The following PDGFD variants were observed in gnomAD, a reference collection of about 807,000 sequenced individuals.
The protein encoded by PDGFD is platelet-derived growth factor D.
A neutral mutation model predicts 44.7 loss-of-function variants in PDGFD; 30 were observed. That is an observed-to-expected ratio of 0.67 (90% CI 0.50 to 0.91). The LOEUF is 0.91. Ranked by LOEUF, PDGFD falls within the 40% of genes least tolerant of loss-of-function variation. The probability of loss-of-function intolerance (pLI) is 0.00; values close to 1 mark genes in which losing one functional copy is unlikely to be tolerated. For synonymous variants in PDGFD, 173 were observed against 168.4 expected (o/e 1.03, Z -0.21); for missense variants, 445 against 457.8 (o/e 0.97, Z 0.25).
At chr11:104,146,866 A>C (rs960495642) in intron 1 of PDGFD, among the ~76,000 whole-genome samples, 2 of 152,122 alleles carry the variant, frequency 1.3e-5, no homozygotes, top group Non-Finnish European at 2.9e-5. Flanking sequence ...TACAGTAGGG[A>C]ATAAAACAGA....
intron 1 of PDGFD, among the ~76,000 whole-genome samples, chr11:104,079,911 A>T (rs1476059126): frequency 6.6e-6 from 1 of 152,218 alleles, no homozygotes; most frequent in Non-Finnish European, 1.5e-5. Context: ...TTCTGAGCAG[A>T]GCAATGAAAC....
chr11:103,996,165 G>A lies in PDGFD; in HGVS notation c.410C>T (p.Pro137Leu), dbSNP rs765307740. The change falls in exon 3 of 7, where the codon CCT becomes CTT. Residue 137 changes from proline (P) to leucine (L), a missense_variant. Pro to Leu is a moderately conservative substitution (Grantham distance 98). Coordinates refer to ENST00000393158, the MANE Select transcript of PDGFD (RefSeq NM_025208.5). The part of the protein sequence containing the change: ...RGRWCGHKEV[P>L]PRIKSRTNQI... ...GTTCGTTCTTGATTTTATCCTTGGAGGAACTTCCTTGTGTCCACACCATCG... is the reference window on the plus strand; with the variant it reads ...GTTCGTTCTTGATTTTATCCTTGGAAGAACTTCCTTGTGTCCACACCATCG... 1 of 1,613,562 alleles carries A rather than the reference G, an allele frequency of 6.2e-7. No homozygotes were observed. The highest frequency in any genetic ancestry group is 1.1e-5 in the South Asian group (1 of 91,040).
chr11:104,032,604 C>T (rs1179072864), intron 1 of PDGFD, among the ~76,000 whole-genome samples: 10 of 150,464 alleles, frequency 6.6e-5, no homozygotes, highest in African/African-American at 2.4e-4. Flanking sequence ...GTAGTTTAAA[C>T]ATCAACTGAC....
chr11:104,092,939 G>A (rs535377903), intron 1 of PDGFD, among the ~76,000 whole-genome samples: 81 of 152,214 alleles, frequency 5.3e-4, no homozygotes, highest in Admixed American at 3.7e-3. Context: ...ATGCCAGGTC[G>A]AAGATTTTCC....
chr11:104,133,304 C>A (rs1861951403), intron 1 of PDGFD, among the ~76,000 whole-genome samples: 1 of 152,100 alleles, frequency 6.6e-6, no homozygotes, highest in South Asian at 2.1e-4. Flanking sequence ...AAATTAGGAA[C>A]AATTTTCATC....
chr11:103,940,424 C>T (rs1463755565), intron 5 of PDGFD, among the ~76,000 whole-genome samples: 1 of 152,074 alleles, frequency 6.6e-6, no homozygotes, highest in African/African-American at 2.4e-5. Flanking sequence ...AAATGATGAG[C>T]TTGCTTCTGC....
At chr11:104,118,818 TATATTATAA>T (rs1565340162) in intron 1 of PDGFD, among the ~76,000 whole-genome samples, 23 of 43,424 alleles carry the variant, frequency 5.3e-4, no homozygotes, top group Non-Finnish European at 7.9e-4. Context: ...TAATATATTA[TATATTATAA>T]ATATTAATAT....
In PDGFD at chr11:103,967,100, A is replaced by C. The variant is rs562426596; in HGVS notation, c.511-19376T>G. 3.3e-5 allele frequency among the ~76,000 whole-genome samples: 5 copies of C among 152,360 alleles called. No individual in the cohort carries two copies. The South Asian group carries it at 1.0e-3, about 32-fold the overall frequency. The stretch of plus-strand genomic sequence containing the variant: ...ATGAAAGGGATGCCACTCAGAGGCA[A>C]TCAACATTATTGGTTCCTTACATGT... On this transcript the variant is annotated intron_variant, in intron 3 of 6. Coordinates refer to ENST00000393158, the MANE Select transcript of PDGFD (RefSeq NM_025208.5).
intron 1 of PDGFD, among the ~76,000 whole-genome samples, chr11:104,063,638 G>A (rs535069139): frequency 6.6e-6 from 1 of 152,258 alleles, no homozygotes; most frequent in South Asian, 2.1e-4. Flanking sequence ...TGGCTGGGGA[G>A]GCCTCAGGAA....
At chr11:103,942,437 A>G (rs1406676569) in intron 5 of PDGFD, among the ~76,000 whole-genome samples, 3 of 152,032 alleles carry the variant, frequency 2.0e-5, no homozygotes, top group African/African-American at 4.8e-5. Context: ...TAAGACCTGG[A>G]TATTTATTTT....
chr11:103,954,092 A>G (rs1858800388), intron 3 of PDGFD, among the ~76,000 whole-genome samples: 1 of 152,222 alleles, frequency 6.6e-6, no homozygotes, highest in African/African-American at 2.4e-5. Flanking sequence ...AATCCTTGCT[A>G]TTAAAGAATA....
At chr11:103,994,491 T>C (rs1222945015) in intron 3 of PDGFD, among the ~76,000 whole-genome samples, 1 of 152,228 alleles carries the variant, frequency 6.6e-6, no homozygotes, top group Non-Finnish European at 1.5e-5. Context: ...TGTTACCGCA[T>C]GTTATTTTTT....
intron 1 of PDGFD, among the ~76,000 whole-genome samples, chr11:104,040,059 T>C (rs1860322876): frequency 6.6e-6 from 1 of 152,254 alleles, no homozygotes; most frequent in South Asian, 2.1e-4. Flanking sequence ...TGAAATCTAC[T>C]GTCCCATAAC....
chr11:104,141,087 G>T (rs1350689526), intron 1 of PDGFD, among the ~76,000 whole-genome samples: 1 of 152,126 alleles, frequency 6.6e-6, no homozygotes, highest in Non-Finnish European at 1.5e-5. Context: ...GCTCACTGAT[G>T]ACAGGTCTCC....
At chr11:104,085,263 T>C (rs1861113384) in intron 1 of PDGFD, among the ~76,000 whole-genome samples, 1 of 152,134 alleles carries the variant, frequency 6.6e-6, no homozygotes. Context: ...TAACCACTGA[T>C]GGGTTCTCTA....
chr11:103,994,679 C>T (rs1422156769), intron 3 of PDGFD, among the ~76,000 whole-genome samples: 2 of 151,956 alleles, frequency 1.3e-5, no homozygotes, highest in African/African-American at 2.4e-5. Flanking sequence ...TCTATTTTGG[C>T]ATTCACACTT....
At chr11:104,004,684 A>G (rs981829257) in intron 1 of PDGFD, among the ~76,000 whole-genome samples, 3 of 152,130 alleles carry the variant, frequency 2.0e-5, no homozygotes, top group African/African-American at 7.2e-5. Flanking sequence ...GCCAAAAAAT[A>G]CACCTGAACA....
rs367603887 is a variant in PDGFD, at chr11:103,926,965, T to C, written c.934A>G (p.Asn312Asp). 9 of 1,614,084 alleles carry C rather than the reference T, an allele frequency of 5.6e-6. No individual in the cohort carries two copies. In the African/African-American group the frequency reaches 1.2e-4, roughly 22 times the overall value. ...CGGNCGCGTV[N>D]WRSCTCNSGK... ...GAATTGCATGTGCAGGACCTCCAGTTGACAGTTCCACAGCCACAATTTCCT... is the reference window on the plus strand; with the variant it reads ...GAATTGCATGTGCAGGACCTCCAGTCGACAGTTCCACAGCCACAATTTCCT... Residue 312 changes from asparagine (N) to aspartate (D), a missense_variant, in exon 6 of 7, where the codon AAC (asparagine) becomes GAC (aspartate). By Grantham distance (23) the Asn-to-Asp change is conservative. Transcript: ENST00000393158.
chr11:104,049,465 T>C (rs1380612525), intron 1 of PDGFD, among the ~76,000 whole-genome samples: 1 of 152,220 alleles, frequency 6.6e-6, no homozygotes, highest in African/African-American at 2.4e-5. Flanking sequence ...AATAAGGGGT[T>C]TGAATTTCAT....
Sources: allele counts gnomAD v4.1 joint callset (sites outside exome capture counted in the v4.1 genomes callset), GRCh38; gene constraint gnomAD v4.1.1; transcripts MANE v1.5; gene names NCBI Gene and HGNC (gene_info 2026-07-23, HGNC 2026-07-21).